The following ZNF564 variants were observed in gnomAD, a reference collection of about 807,000 sequenced individuals.
ZNF564 encodes the protein zinc finger protein 564.
In ZNF564, 5 loss-of-function variants were observed where a neutral mutation model predicts 10.5. The observed-to-expected ratio is 0.48, with a 90% confidence interval of 0.25 to 1.00. The LOEUF (loss-of-function observed/expected upper bound fraction) is 1.00. Ranked by LOEUF, ZNF564 falls within the 50% of genes least tolerant of loss-of-function variation. The pLI, the probability that ZNF564 is intolerant of heterozygous loss-of-function variation, is 0.16. For synonymous variants in ZNF564, 242 were observed against 218.1 expected (o/e 1.11, Z -0.97); for missense variants, 603 against 669.7 (o/e 0.90, Z 1.10).
At chr19:12,542,475 G>C (rs2022074897) in intron 1 of ZNF564, among the ~76,000 whole-genome samples, 1 of 151,918 alleles carries the variant, frequency 6.6e-6, no homozygotes, top group Admixed American at 6.6e-5. Context: ...TTAAAAATTA[G>C]CTGGGCATGA....
At chr19:12,537,999 T>G (rs1372552769) in intron 1 of ZNF564, among the ~76,000 whole-genome samples, 2 of 152,026 alleles carry the variant, frequency 1.3e-5, no homozygotes, top group Non-Finnish European at 2.9e-5. Flanking sequence ...TTCTTTTTCT[T>G]GTCTAATTAC....
At chr19:12,539,049 G>T (rs951549959) in intron 1 of ZNF564, among the ~76,000 whole-genome samples, 2 of 150,440 alleles carry the variant, frequency 1.3e-5, no homozygotes, top group Admixed American at 6.7e-5. Flanking sequence ...CTAATGTGGC[G>T]CAATCCAGTC....
At chr19:12,537,589 T>C (rs2021942193) in intron 1 of ZNF564, among the ~76,000 whole-genome samples, 1 of 151,890 alleles carries the variant, frequency 6.6e-6, no homozygotes, top group Non-Finnish European at 1.5e-5. Flanking sequence ...AAATACAAAA[T>C]TAGCCAGGTG....
intron 1 of ZNF564, among the ~76,000 whole-genome samples, chr19:12,546,086 C>T (rs2022146500): frequency 1.3e-5 from 2 of 152,162 alleles, no homozygotes; most frequent in Admixed American, 1.3e-4. Context: ...GGATCCCTGT[C>T]CCAGGAACTG....
rs770080128 is a variant in ZNF564 at position 12,527,353 on chromosome 19, G to A, written c.755C>T (p.Pro252Leu). The change falls in exon 4 of 4, where the codon CCT becomes CTT. Residue 252 changes from proline (P) to leucine (L), a missense_variant. By Grantham distance (98) the Pro-to-Leu change is moderately conservative (BLOSUM62 -3). Coordinates refer to ENST00000339282, the MANE Select transcript of ZNF564 (RefSeq NM_144976.4). ...RHMIRHTGDG[P>L]YKCQECGKAF... is the part of the protein sequence containing the mutation. ...TTTTCCACATTCCTGACATTTATAA[G>A]GTCCATCTCCAGTGTGCCTAATCAT... The A allele has an allele frequency of 1.2e-5, 20 of 1,614,130 alleles. No individual in the cohort carries two copies. Among genetic ancestry groups the A allele is most frequent in the Non-Finnish European group, 1.5e-5 (18 of 1,180,022 alleles).
Position 12,527,396 on chromosome 19 carries a change from G to A in ZNF564, c.712C>T (p.Pro238Ser). ...CTAATCATGTGTCTTTGAAAACTTG[G>A]AAGAGAAATGAAAGCTTTTGCACAT... is the stretch of plus-strand genomic sequence containing the variant. Reference protein sequence around the residue: ...QECAKAFISLPSFQRHMIRHT... With the variant: ...QECAKAFISLSSFQRHMIRHT... Residue 238 changes from proline to serine, a missense_variant, in exon 4 of 4, where the codon CCA (proline) becomes TCA (serine). Physicochemically the swap from Pro to Ser is moderately conservative, Grantham distance 74. Transcript: ENST00000339282. 6.2e-7 allele frequency: 1 copy of A among 1,613,558 alleles called. No homozygotes were observed. The highest frequency in any genetic ancestry group is 8.5e-7 in the Non-Finnish European group (1 of 1,179,890).
At chr19:12,542,682 G>A (rs2022080446) in intron 1 of ZNF564, among the ~76,000 whole-genome samples, 1 of 148,370 alleles carries the variant, frequency 6.7e-6, no homozygotes, top group African/African-American at 2.5e-5. Flanking sequence ...AGGAAGGAAG[G>A]AAAGGAAAAA....
At chr19:12,528,266 A>T (rs1372274307) in intron 3 of ZNF564, 38 bp downstream of exon 3, 1 of 1,561,954 alleles carries the variant, frequency 6.4e-7, no homozygotes, top group African/African-American at 1.4e-5. Context: ...TGACATACTA[A>T]GAAGGAGACA....
At chr19:12,537,679 G>A (rs972924103) in intron 1 of ZNF564, among the ~76,000 whole-genome samples, 5 of 151,220 alleles carry the variant, frequency 3.3e-5, no homozygotes, top group South Asian at 4.2e-4. Flanking sequence ...CGGAGGTTGC[G>A]GTGAGCCGAG....
chr19:12,547,622 T>C (rs1430735199), intron 1 of ZNF564, among the ~76,000 whole-genome samples: 2 of 152,080 alleles, frequency 1.3e-5, no homozygotes, highest in African/African-American at 4.8e-5. Context: ...CAGTGGTCTG[T>C]AGCTTCTCTC....
intron 1 of ZNF564, chr19:12,548,090 G>A (rs2022186965): frequency 1.1e-6 from 1 of 904,340 alleles, no homozygotes; most frequent in Non-Finnish European, 1.3e-6. Context: ...TTACAGGCAT[G>A]AGCCACCACG....
chr19:12,543,686 A>AC (rs1307940316), intron 1 of ZNF564, among the ~76,000 whole-genome samples: 15 of 151,576 alleles, frequency 9.9e-5, no homozygotes. Flanking sequence ...AAAAAAAAAA[A>AC]AAAAAAAAAA....
chr19:12,550,901 A>C (rs1385058027), intron 1 of ZNF564, among the ~76,000 whole-genome samples: 1 of 152,174 alleles, frequency 6.6e-6, no homozygotes, highest in Non-Finnish European at 1.5e-5. Flanking sequence ...TTCTTTTTCC[A>C]GTACGTTTGG....
At chr19:12,547,521 G>C in intron 1 of ZNF564, among the ~76,000 whole-genome samples, 1 of 152,226 alleles carries the variant, frequency 6.6e-6, no homozygotes, top group East Asian at 1.9e-4. Context: ...GGAGCCCATG[G>C]TTTACTGTTA....
chr19:12,548,596 T>C (rs1378823816), intron 1 of ZNF564: 5 of 522,286 alleles, frequency 9.6e-6, no homozygotes, highest in African/African-American at 3.8e-5. Flanking sequence ...GTGATCCACC[T>C]GCCTTGGTGC....
Position 12,526,985 on chromosome 19 carries a change from T to A in ZNF564, c.1123A>T (p.Ile375Phe), listed in dbSNP as rs772083083. ...YECKECGKAF[I>F]SLPSVRRHMI... The stretch of plus-strand genomic sequence containing the variant: ...TGTCTTCGGACACTTGGGAGAGAAA[T>A]GAAGGCTTTCCCGCATTCCTTACAT... Residue 375 changes from isoleucine (I) to phenylalanine (F), a missense_variant, in exon 4 of 4, where the codon ATT becomes TTT. Ile to Phe is a conservative substitution (Grantham distance 21, BLOSUM62 0). Coordinates refer to ENST00000339282, the MANE Select transcript of ZNF564 (RefSeq NM_144976.4). 6.2e-7 allele frequency: 1 copy of A among 1,613,760 alleles called. No homozygotes were observed. The highest frequency in any genetic ancestry group is 2.2e-5 in the East Asian group (1 of 44,852).
chr19:12,530,175 T>C (rs1165677590), intron 1 of ZNF564: 1 of 152,282 alleles, frequency 6.6e-6, no homozygotes, highest in Admixed American at 6.6e-5. Context: ...GACCACACTT[T>C]CCTGAAGGAT....
intron 1 of ZNF564, among the ~76,000 whole-genome samples, chr19:12,547,630 C>G (rs2022178153): frequency 6.6e-6 from 1 of 152,180 alleles, no homozygotes; most frequent in East Asian, 1.9e-4. Flanking sequence ...TGTAGCTTCT[C>G]TCAGTATAAA....
intron 1 of ZNF564, among the ~76,000 whole-genome samples, 187 bp from the exon 2 acceptor site, chr19:12,528,883 G>A (rs891043683): frequency 5.3e-5 from 8 of 152,188 alleles, no homozygotes; most frequent in African/African-American, 1.7e-4. Flanking sequence ...GGTCAACATG[G>A]TGAAACCCCA....
Sources: allele counts gnomAD v4.1 joint callset (sites outside exome capture counted in the v4.1 genomes callset), GRCh38; gene constraint gnomAD v4.1.1; transcripts MANE v1.5; gene names NCBI Gene and HGNC (gene_info 2026-07-23, HGNC 2026-07-21).